The following ABHD18 variants were observed in gnomAD, a reference collection of about 807,000 sequenced individuals.
ABHD18 encodes abhydrolase domain containing 18.
ABHD18 carries 55 observed loss-of-function variants against 65.9 expected under a neutral mutation model. The ratio of observed to expected loss-of-function variants is 0.84; its 90% CI spans 0.67 to 1.05. ABHD18 has a LOEUF of 1.05. Ranked by LOEUF, ABHD18 falls within the 50% of genes least tolerant of loss-of-function variation. ABHD18 has a pLI of 0.00. For synonymous variants in ABHD18, 181 were observed against 180.2 expected, an observed-to-expected ratio of 1.00 and a Z score of -0.04; for missense variants, 533 against 558.5, an observed-to-expected ratio of 0.95 and a Z score of 0.46.
chr4:128,016,842 A>G (rs749483595), intron 7 of ABHD18, among the ~76,000 whole-genome samples: 1 of 152,226 alleles, frequency 6.6e-6, no homozygotes, highest in Non-Finnish European at 1.5e-5. Flanking sequence ...TATGTGCTAT[A>G]GAACAGGAAC....
At chr4:128,020,195 G>A (rs752130422) in intron 9 of ABHD18, 26 bp downstream of exon 9, 13 of 1,553,286 alleles carry the variant, frequency 8.4e-6, no homozygotes, top group Non-Finnish European at 8.0e-6. Flanking sequence ...TTAATATTAG[G>A]TAGCTATATA....
At chr4:128,015,700 TCA>T (rs1208984404) in intron 7 of ABHD18, among the ~76,000 whole-genome samples, 1 of 152,148 alleles carries the variant, frequency 6.6e-6, no homozygotes, top group Non-Finnish European at 1.5e-5. Flanking sequence ...ATTTTGTTTT[TCA>T]CACTTGGCAT....
chr4:127,988,380 GC>G (rs1038646703), intron 3 of ABHD18, among the ~76,000 whole-genome samples: 1 of 152,044 alleles, frequency 6.6e-6, no homozygotes, highest in Non-Finnish European at 1.5e-5. Context: ...ACAACCACAT[GC>G]CACCACGTTC....
intron 12 of ABHD18, among the ~76,000 whole-genome samples, chr4:128,034,567 T>C (rs2149202549): frequency 6.6e-6 from 1 of 151,876 alleles, no homozygotes; most frequent in East Asian, 1.9e-4. Context: ...CTAGGCAACA[T>C]AGTGAGATCT....
At position 128,035,788 on chromosome 4, in the gene ABHD18, G is replaced by T. The variant is rs755310557; in HGVS notation, c.1370G>T (p.Arg457Leu). 2 of 1,535,728 alleles carry T rather than the reference G, an allele frequency of 1.3e-6. No homozygotes were observed. Among genetic ancestry groups the T allele is most frequent in the South Asian group, 1.2e-5 (1 of 82,356 alleles). The change falls in exon 13 of 13, where the codon CGC becomes CTC. Residue 457 changes from arginine (R) to leucine (L), a missense_variant. By Grantham distance (102) the Arg-to-Leu change is moderately radical (BLOSUM62 -2). This residue lies in a region of ABHD18 where 220 missense variants were observed against 226.8 expected (regional missense o/e 0.97). Coordinates refer to ENST00000645843, the MANE Select transcript of ABHD18 (RefSeq NM_001358451.3). ...FRQAIYDAFD[R>L]FLHKYAN Reference sequence around the variant, plus strand: ...CAAGCCATCTATGATGCATTTGACCGCTTCCTCCATAAATACGCTAACTAG... The same window carrying T: ...CAAGCCATCTATGATGCATTTGACCTCTTCCTCCATAAATACGCTAACTAG...
chr4:128,025,812 G>A (rs992299771), intron 10 of ABHD18, among the ~76,000 whole-genome samples: 18 of 152,150 alleles, frequency 1.2e-4, no homozygotes, highest in Non-Finnish European at 2.1e-4. Context: ...GGAAAATGGC[G>A]TAGTTTTAAT....
intron 8 of ABHD18, 45 bp downstream of exon 8, chr4:128,017,546 G>C: frequency 6.6e-7 from 1 of 1,513,772 alleles, no homozygotes; most frequent in Non-Finnish European, 8.9e-7. Flanking sequence ...GTTTATGTTT[G>C]TAAGATCTAG....
At chr4:128,035,734 A>C in intron 12 of ABHD18, 28 bp from the exon 13 acceptor site, 1 of 1,411,036 alleles carries the variant, frequency 7.1e-7, no homozygotes, top group Non-Finnish European at 9.7e-7. Flanking sequence ...TTAGTTACTT[A>C]GAGTTTTTCT....
chr4:128,024,481 C>T (rs1416103980), intron 10 of ABHD18, among the ~76,000 whole-genome samples: 2 of 152,170 alleles, frequency 1.3e-5, no homozygotes, highest in Non-Finnish European at 2.9e-5. Context: ...TTCACAATAA[C>T]GAATATTCAA....
intron 9 of ABHD18, among the ~76,000 whole-genome samples, chr4:128,020,373 C>G (rs987537178): frequency 4.6e-5 from 7 of 152,128 alleles, no homozygotes; most frequent in Admixed American, 4.6e-4. Flanking sequence ...AGGTAGAGTC[C>G]AAAGGAAACC....
At chr4:127,989,875 T>A in intron 4 of ABHD18, 54 bp downstream of exon 4, 1 of 1,118,602 alleles carries the variant, frequency 8.9e-7, no homozygotes, top group Non-Finnish European at 1.3e-6. Flanking sequence ...TCATTAAAAT[T>A]ATAATATCAA....
intron 1 of ABHD18, among the ~76,000 whole-genome samples, chr4:127,979,760 A>G (rs1560829075): frequency 6.6e-6 from 1 of 151,988 alleles, no homozygotes; most frequent in Non-Finnish European, 1.5e-5. Context: ...TACTAAAAAT[A>G]CAAAAATTAG....
intron 12 of ABHD18, chr4:128,030,956 A>C (rs1758121156): frequency 9.1e-7 from 1 of 1,097,468 alleles, no homozygotes; most frequent in Non-Finnish European, 1.1e-6. Context: ...GGATGTGAGA[A>C]GGAAGATCAT....
At chr4:127,995,764 A>G (rs972297240) in intron 4 of ABHD18, among the ~76,000 whole-genome samples, 1 of 152,228 alleles carries the variant, frequency 6.6e-6, no homozygotes, top group African/African-American at 2.4e-5. Flanking sequence ...AATGATTACA[A>G]CAATAGTTTT....
chr4:128,028,773 G>A lies in ABHD18; in HGVS notation c.1100G>A (p.Ser367Asn). 1 of 1,612,430 alleles carries A rather than the reference G, an allele frequency of 6.2e-7. No homozygotes were observed. Among genetic ancestry groups the A allele is most frequent in the Non-Finnish European group, 8.5e-7 (1 of 1,179,478 alleles). ...TACCACCTACTTAGTAAAGAACAAA[G>A]CAGAAACAGTCTTCGGAAAGAGTCT... The part of the protein sequence containing the change: ...QSYHLLSKEQ[S>N]RNSLRKESLI... The change falls in exon 11 of 13, where the codon AGC (serine) becomes AAC (asparagine). Residue 367 changes from serine to asparagine, a missense_variant. By Grantham distance (46) the Ser-to-Asn change is conservative. This residue lies in a region of ABHD18 where 220 missense variants were observed against 226.8 expected (regional missense o/e 0.97). Coordinates refer to ENST00000645843, the MANE Select transcript of ABHD18 (RefSeq NM_001358451.3).
At chr4:128,005,816 T>A (rs1753504378) in intron 4 of ABHD18, among the ~76,000 whole-genome samples, 1 of 152,196 alleles carries the variant, frequency 6.6e-6, no homozygotes, top group African/African-American at 2.4e-5. Context: ...TCCAAGAGGA[T>A]ACTTCCCTTA....
chr4:127,990,363 G>A (rs1251911279), intron 4 of ABHD18, among the ~76,000 whole-genome samples: 1 of 152,134 alleles, frequency 6.6e-6, no homozygotes, highest in Non-Finnish European at 1.5e-5. Context: ...AGGAGTTCTA[G>A]ACCAGCCTGG....
chr4:128,003,670 G>A (rs919212985), intron 4 of ABHD18, among the ~76,000 whole-genome samples: 3 of 151,312 alleles, frequency 2.0e-5, no homozygotes, highest in African/African-American at 7.3e-5. Context: ...TATTTTTCTG[G>A]CATGTAAATT....
chr4:127,984,177 A>G (rs1247832113), intron 2 of ABHD18, among the ~76,000 whole-genome samples, 162 bp from the exon 3 acceptor site: 1 of 152,262 alleles, frequency 6.6e-6, no homozygotes, highest in Non-Finnish European at 1.5e-5. Flanking sequence ...TTTGGGAAAA[A>G]ACAACAGCCT....
Sources: allele counts gnomAD v4.1 joint callset (sites outside exome capture counted in the v4.1 genomes callset), GRCh38; gene constraint gnomAD v4.1.1; regional missense constraint gnomAD v4.1.1; transcripts MANE v1.5; gene names NCBI Gene and HGNC (gene_info 2026-07-23, HGNC 2026-07-21).